The following PDE1A variants were observed in gnomAD, a reference collection of about 807,000 sequenced individuals.
PDE1A encodes the protein dual specificity calcium/calmodulin-dependent 3',5'-cyclic nucleotide phosphodiesterase 1A.
PDE1A carries 35 observed loss-of-function variants against 61.7 expected under a neutral mutation model. The ratio of observed to expected loss-of-function variants is 0.57; its 90% confidence interval spans 0.43 to 0.75. The LOEUF is 0.75. Ranked by LOEUF, PDE1A falls within the 30% of genes least tolerant of loss-of-function variation. The pLI, the probability that PDE1A is intolerant of heterozygous loss-of-function variation, is 0.00. For synonymous variants in PDE1A, 232 were observed against 213.2 expected (o/e 1.09, Z -0.77); for missense variants, 597 against 630.6 (o/e 0.95, Z 0.57).
At chr2:182,429,979 T>G (rs950813851), upstream of PDE1A, among the ~76,000 whole-genome samples, 4 of 152,156 alleles carry the variant, frequency 2.6e-5, no homozygotes, top group African/African-American at 9.7e-5. Flanking sequence ...TAAACAACAT[T>G]TAATTAAACA....
chr2:182,261,209 G>C (rs1364477416), intron 2 of PDE1A, among the ~76,000 whole-genome samples: 2 of 152,158 alleles, frequency 1.3e-5, no homozygotes, highest in Non-Finnish European at 2.9e-5. Context: ...AGAAGAGTCA[G>C]GTATAGAGGA....
chr2:182,195,581 G>C (rs2125443157), intron 10 of PDE1A, among the ~76,000 whole-genome samples: 1 of 152,246 alleles, frequency 6.6e-6, no homozygotes, highest in African/African-American at 2.4e-5. Context: ...TGAGCACCAT[G>C]ATGAGCTCTG....
chr2:182,334,976 C>T (rs1344086175), intron 1 of PDE1A, among the ~76,000 whole-genome samples: 1 of 152,154 alleles, frequency 6.6e-6, no homozygotes, highest in African/African-American at 2.4e-5. Flanking sequence ...TTCCTATACA[C>T]AAATAATAGA....
the PDE1A span, among the ~76,000 whole-genome samples, chr2:182,615,263 A>T: frequency 6.6e-6 from 1 of 152,176 alleles, no homozygotes; most frequent in African/African-American, 2.4e-5. Context: ...GTAATTTTGA[A>T]TCATTTGACT....
At chr2:182,147,543 A>G (rs1690560524) in intron 13 of PDE1A, among the ~76,000 whole-genome samples, 1 of 152,228 alleles carries the variant, frequency 6.6e-6, no homozygotes, top group Non-Finnish European at 1.5e-5. Flanking sequence ...CTTAGTTGCT[A>G]TGAATATTTA....
At chr2:182,186,175 G>C (rs917284904) in intron 12 of PDE1A, 96 bp from the exon 13 acceptor site, 2 of 1,304,826 alleles carry the variant, frequency 1.5e-6, no homozygotes, top group African/African-American at 3.0e-5. Context: ...TAGAAAAGCA[G>C]GATAGTAGAT....
At chr2:182,683,823 A>T in the PDE1A span, among the ~76,000 whole-genome samples, 2 of 152,196 alleles carry the variant, frequency 1.3e-5, no homozygotes, top group African/African-American at 4.8e-5. Flanking sequence ...AACTGCTGAT[A>T]GAAATGCAAA....
chr2:182,689,933 A>G, the PDE1A span, among the ~76,000 whole-genome samples: 1 of 152,238 alleles, frequency 6.6e-6, no homozygotes, highest in Non-Finnish European at 1.5e-5. Flanking sequence ...AATTTAGAAG[A>G]AATGGATAAA....
At chr2:182,686,719 A>G in the PDE1A span, among the ~76,000 whole-genome samples, 1 of 152,230 alleles carries the variant, frequency 6.6e-6, no homozygotes, top group African/African-American at 2.4e-5. Context: ...CATGAGCCAA[A>G]GCAGGGCAAG....
At chr2:182,357,288 A>C (rs1035623050) in intron 1 of PDE1A, among the ~76,000 whole-genome samples, 1 of 151,996 alleles carries the variant, frequency 6.6e-6, no homozygotes, top group Non-Finnish European at 1.5e-5. Context: ...AACAAAAAAA[A>C]ACAAACAAAC....
the PDE1A span, among the ~76,000 whole-genome samples, chr2:182,616,814 G>A: frequency 6.6e-6 from 1 of 152,168 alleles, no homozygotes; most frequent in Non-Finnish European, 1.5e-5. Flanking sequence ...GGGACAGCGG[G>A]TATGGGCTAA....
chr2:182,588,246 G>A, the PDE1A span, among the ~76,000 whole-genome samples: 1 of 152,290 alleles, frequency 6.6e-6, no homozygotes, highest in African/African-American at 2.4e-5. Context: ...AACCAGAGTT[G>A]AGCTTCTCTC....
chr2:182,659,355 C>T, the PDE1A span, among the ~76,000 whole-genome samples: 1 of 152,256 alleles, frequency 6.6e-6, no homozygotes, highest in African/African-American at 2.4e-5. Context: ...ATAAGATTTA[C>T]AGCCTCATAA....
the PDE1A span, among the ~76,000 whole-genome samples, chr2:182,648,694 T>C: frequency 2.1e-5 from 3 of 145,530 alleles, no homozygotes; most frequent in African/African-American, 7.8e-5. Flanking sequence ...AGCAAGACCC[T>C]GTCTCTTTAA....
At chr2:182,380,164 G>T (rs1345717946) in intron 1 of PDE1A, among the ~76,000 whole-genome samples, 1 of 135,802 alleles carries the variant, frequency 7.4e-6, no homozygotes, top group African/African-American at 2.7e-5. Context: ...AGGCTGGAGT[G>T]CAGTGGCACG....
chr2:182,487,581 G>A (rs1688097436), intron 2 of PDE1A, among the ~76,000 whole-genome samples: 1 of 152,048 alleles, frequency 6.6e-6, no homozygotes, highest in Admixed American at 6.6e-5. Context: ...AATTTCAAAG[G>A]AATGAAGTTC....
rs1283027516 is a variant in PDE1A at position 182,213,788 on chromosome 2, C to T, written c.777-7723G>A. Among the ~76,000 whole-genome samples, 21 of 68,872 alleles carry T rather than the reference C, an allele frequency of 3.0e-4. 5 individuals carry two copies. The South Asian group carries it at 8.5e-3, about 28-fold the overall frequency. The allele number at this position is 68,872 out of a possible 152,430, so 45.2% of individuals were successfully genotyped here. On this transcript the variant is annotated intron_variant, in intron 7 of 13. Coordinates refer to ENST00000351439, the Ensembl canonical transcript of PDE1A. ...CTATGTGAAAAGACCAAATCTACGT[C>T]TGATTGGTGTACCTGAAAGTGACGG... is the stretch of plus-strand genomic sequence containing the variant.
At chr2:182,555,662 A>G in the PDE1A span, among the ~76,000 whole-genome samples, 2 of 152,216 alleles carry the variant, frequency 1.3e-5, no homozygotes, top group East Asian at 1.9e-4. Context: ...TTAAGATAAT[A>G]TTCTTTAAGA....
At chr2:182,588,102 TTAAG>T in the PDE1A span, among the ~76,000 whole-genome samples, 1 of 152,220 alleles carries the variant, frequency 6.6e-6, no homozygotes, top group Admixed American at 6.5e-5. Flanking sequence ...TGCTTTGCAA[TTAAG>T]TAACCTTACT....
Sources: allele counts gnomAD v4.1 joint callset (sites outside exome capture counted in the v4.1 genomes callset), GRCh38; gene constraint gnomAD v4.1.1; transcripts MANE v1.5; gene names NCBI Gene and HGNC (gene_info 2026-07-23, HGNC 2026-07-21).